TENM3: variants seen among roughly 807,000 people sequenced by gnomAD.
TENM3 encodes the protein teneurin-3.
TENM3 carries 63 observed loss-of-function variants against 255.1 expected under a neutral mutation model. The observed-to-expected ratio is 0.25, with a 90% CI of 0.20 to 0.30. The LOEUF is 0.30. TENM3 is among the 10% of genes least tolerant of loss of function. The pLI is 1.00. For missense variants in TENM3, 2,929 were observed against 3,461.1 expected (o/e 0.85, Z 3.86); for synonymous variants, 1,306 against 1,322.3 (o/e 0.99, Z 0.27).
the TENM3 span, among the ~76,000 whole-genome samples, chr4:181,902,944 G>A: frequency 3.1e-3 from 479 of 152,278 alleles, 3 homozygotes; most frequent in African/African-American, 0.011. Flanking sequence ...GAATATTTAA[G>A]TACGTTGTGT....
intron 22 of TENM3, among the ~76,000 whole-genome samples, chr4:182,766,645 A>G (rs1763743152): frequency 6.6e-6 from 1 of 152,124 alleles, no homozygotes; most frequent in Non-Finnish European, 1.5e-5. Context: ...ATCTATCACT[A>G]TGCTCAGCGT....
the TENM3 span, among the ~76,000 whole-genome samples, chr4:182,107,833 A>G: frequency 6.6e-6 from 1 of 152,296 alleles, no homozygotes; most frequent in South Asian, 2.1e-4. Flanking sequence ...GTATAACTAA[A>G]GGACTGATTT....
chr4:181,676,331 C>G, the TENM3 span, among the ~76,000 whole-genome samples: 2 of 152,112 alleles, frequency 1.3e-5, no homozygotes, highest in Admixed American at 1.3e-4. Flanking sequence ...AATCTGGGTT[C>G]TCTTTCAGGC....
chr4:182,025,488 C>A, the TENM3 span, among the ~76,000 whole-genome samples: 2 of 152,236 alleles, frequency 1.3e-5, no homozygotes, highest in South Asian at 4.1e-4. Flanking sequence ...TATGGGAGTG[C>A]AGGTATCTCT....
At chr4:181,866,708 C>G in the TENM3 span, among the ~76,000 whole-genome samples, 1 of 152,128 alleles carries the variant, frequency 6.6e-6, no homozygotes, top group East Asian at 1.9e-4. Context: ...ACAAACAAGA[C>G]AAATAACCAC....
intron 7 of TENM3, among the ~76,000 whole-genome samples, chr4:182,673,452 A>G (rs1755393808): frequency 1.3e-5 from 2 of 152,182 alleles, no homozygotes; most frequent in South Asian, 4.1e-4. Flanking sequence ...GAATTTTGTG[A>G]GGAACTTAAT....
At chr4:181,815,348 G>A in the TENM3 span, among the ~76,000 whole-genome samples, 1 of 151,434 alleles carries the variant, frequency 6.6e-6, no homozygotes, top group Non-Finnish European at 1.5e-5. Flanking sequence ...TGTAATCCCA[G>A]CTACTTGGGA....
chr4:182,313,877 T>A (rs6822323), intron 1 of TENM3, among the ~76,000 whole-genome samples: 11,338 of 152,224 alleles, frequency 0.074, 501 homozygotes, highest in East Asian at 0.13. Flanking sequence ...TATCCATCCA[T>A]TTTTCTAAAT....
chr4:182,788,922 A>G (rs2152824667), intron 24 of TENM3, among the ~76,000 whole-genome samples, 171 bp from the exon 25 acceptor site: 1 of 152,372 alleles, frequency 6.6e-6, no homozygotes, highest in South Asian at 2.1e-4. Context: ...TGCTTAATAA[A>G]ACATTTTAAA....
chr4:182,275,618 T>C (rs1759945370), intron 1 of TENM3, among the ~76,000 whole-genome samples: 1 of 151,796 alleles, frequency 6.6e-6, no homozygotes. Flanking sequence ...TAGAGCATAG[T>C]AAGTACTCTT....
chr4:182,637,450 G>A (rs981290946), intron 5 of TENM3, among the ~76,000 whole-genome samples: 1 of 152,142 alleles, frequency 6.6e-6, no homozygotes, highest in Admixed American at 6.6e-5. Flanking sequence ...CTTGAGCCTC[G>A]GAGTTTGAGG....
At chr4:181,673,253 G>A in the TENM3 span, among the ~76,000 whole-genome samples, 1 of 152,164 alleles carries the variant, frequency 6.6e-6, no homozygotes, top group Non-Finnish European at 1.5e-5. Context: ...TATGGGGAAT[G>A]TGGATTTTTC....
At chr4:182,459,938 G>GT (rs1437568080) in intron 3 of TENM3, among the ~76,000 whole-genome samples, 9 of 152,102 alleles carry the variant, frequency 5.9e-5, no homozygotes. Context: ...TATCTTTTCA[G>GT]TTAAAAATAA....
At chr4:182,528,374 A>G (rs909840519) in intron 3 of TENM3, among the ~76,000 whole-genome samples, 1 of 152,210 alleles carries the variant, frequency 6.6e-6, no homozygotes, top group Non-Finnish European at 1.5e-5. Context: ...TCTGTGGCGC[A>G]GGGGTTTCTC....
chr4:181,953,045 G>A, the TENM3 span, among the ~76,000 whole-genome samples: 90 of 152,258 alleles, frequency 5.9e-4, no homozygotes, highest in African/African-American at 2.1e-3. Context: ...CCTGAAACAC[G>A]AGGTTTATGT....
the TENM3 span, among the ~76,000 whole-genome samples, chr4:181,764,063 A>C: frequency 2.0e-5 from 3 of 152,220 alleles, no homozygotes; most frequent in African/African-American, 7.2e-5. Flanking sequence ...GTAGTGGAAC[A>C]ATTCAAACTT....
intron 1 of TENM3, among the ~76,000 whole-genome samples, chr4:182,310,671 G>A (rs936956077): frequency 1.1e-4 from 16 of 146,298 alleles, no homozygotes; most frequent in African/African-American, 4.0e-4. Flanking sequence ...GGGGAAGGGT[G>A]TTTTTTTTTT....
chr4:182,799,741 G>C lies in TENM3; in HGVS notation c.7490G>C (p.Gly2497Ala), dbSNP rs1766771975. 6.4e-7 allele frequency: 1 copy of C among 1,561,492 alleles called. No individual in the cohort carries two copies. Residue 2497 changes from glycine (G) to alanine (A), a missense_variant, in exon 28 of 28, where the codon GGC (glycine) becomes GCC (alanine). This residue lies in a region of TENM3 where 476 missense variants were observed against 480.1 expected (regional missense o/e 0.99). Coordinates refer to ENST00000511685, the MANE Select transcript of TENM3 (RefSeq NM_001080477.4). The surrounding 1 kb of genome is among the most constrained non-coding windows in gnomAD (Gnocchi z 4.2). ...LWFATVKSLI[G>A]KGVMLAVSQG... is the part of the protein sequence containing the mutation. The stretch of plus-strand genomic sequence containing the variant: ...TTCGCCACGGTCAAGTCGCTGATCG[G>C]CAAGGGCGTCATGCTGGCCGTCAGC...
At chr4:181,642,464 C>G in the TENM3 span, among the ~76,000 whole-genome samples, 4 of 151,990 alleles carry the variant, frequency 2.6e-5, no homozygotes, top group Non-Finnish European at 5.9e-5. Context: ...TGCAGATACT[C>G]TTTAGTTTAG....
Sources: allele counts gnomAD v4.1 joint callset (sites outside exome capture counted in the v4.1 genomes callset), GRCh38; gene constraint gnomAD v4.1.1; regional missense constraint gnomAD v4.1.1; non-coding constraint Gnocchi (gnomAD v3.1); transcripts MANE v1.5; gene names NCBI Gene and HGNC (gene_info 2026-07-23, HGNC 2026-07-21).